Variants in FMR1 observed in about 807,000 individuals in gnomAD.
FMR1 encodes FMRP translational regulator 1.
In FMR1, 13 loss-of-function variants were observed where a neutral mutation model predicts 50.6. The ratio of observed to expected loss-of-function variants is 0.26; its 90% confidence interval spans 0.17 to 0.41. FMR1 has a LOEUF of 0.41. Among genes scored for constraint, FMR1 ranks in the 10% least tolerant of loss-of-function variants. The pLI is 1.00. For synonymous variants in FMR1, 138 were observed against 164.1 expected (o/e 0.84, Z 1.22); for missense variants, 316 against 491.3 (o/e 0.64, Z 3.37).
At chrX:147,924,452 C>A (rs1311875402) in intron 2 of FMR1, among the ~76,000 whole-genome samples, 1 of 101,027 alleles carries the variant, frequency 9.9e-6, no homozygotes, top group African/African-American at 3.7e-5. Context: ...CAAAGTTTGT[C>A]TTTCAGTATT....
intron 2 of FMR1, among the ~76,000 whole-genome samples, chrX:147,923,766 A>G (rs782054175): frequency 8.9e-6 from 1 of 111,937 alleles, no homozygotes; most frequent in South Asian, 3.7e-4. Flanking sequence ...CCTTGTGTTC[A>G]TGGAGTATGT....
At chrX:147,918,591 A>G (rs1402242244) in intron 1 of FMR1, among the ~76,000 whole-genome samples, 3 of 59,034 alleles carry the variant, frequency 5.1e-5, no homozygotes, top group African/African-American at 2.7e-4. Context: ...GAATAGCTAC[A>G]GCACTTGCAG....
At chrX:147,921,265 T>C (rs25725) in intron 1 of FMR1, among the ~76,000 whole-genome samples, 87 of 203 alleles carry the variant, frequency 0.43, no homozygotes, top group African/African-American at 0.54. Context: ...TCTTGATAAT[T>C]AGCTATTTTG....
At chrX:147,938,237 A>G (rs2043858957) in intron 12 of FMR1, 76 bp downstream of exon 12, 1 of 861,804 alleles carries the variant, frequency 1.2e-6, no homozygotes, top group African/African-American at 2.0e-5. Context: ...CAAAGATTAC[A>G]AATGATCCTC....
Position 147,924,536 on chromosome X carries a change from G to A in FMR1, c.105-1004G>A, listed in dbSNP as rs1435002050. On this transcript the variant is annotated intron_variant, in intron 2 of 16. Transcript: ENST00000370475. The stretch of plus-strand genomic sequence containing the variant: ...ATATATTTTTTTTTTTTTAAAGACA[G>A]GATCTCACTCTGTCACCTAGGCTGG... Among the ~76,000 whole-genome samples, 3 of 97,174 alleles carry A rather than the reference G, an allele frequency of 3.1e-5. No homozygotes were observed. The East Asian group carries it at 9.5e-4, about 31-fold the overall frequency. 84.4% of individuals were successfully genotyped at this position (97,174 alleles called of 115,157 possible).
intron 9 of FMR1, among the ~76,000 whole-genome samples, chrX:147,934,322 A>G (rs1180500430): frequency 2.7e-5 from 3 of 110,140 alleles, no homozygotes; most frequent in African/African-American, 3.3e-5. Context: ...TTGGATCTGG[A>G]TTTCAGTCCT....
chrX:147,937,093 A>G lies in FMR1; in HGVS notation c.991-373A>G, dbSNP rs1475150789. 5.4e-5 allele frequency among the ~76,000 whole-genome samples: 6 copies of G among 111,186 alleles called. No homozygotes were observed. In the East Asian group the frequency reaches 1.1e-3, roughly 21 times the overall value. On this transcript the variant is annotated intron_variant, in intron 10 of 16. Transcript: ENST00000370475. ...TTTCTGTGCTTAATATCTCTTCCCC[A>G]TCCTCCTTACCTTTAAATTCTGTAA...
Position 147,949,244 on chromosome X carries a change from A to G in FMR1, c.*400A>G, listed in dbSNP as rs781988521. On this transcript the variant is annotated 3_prime_UTR_variant, in exon 17 of 17. Transcript: ENST00000370475. ...ATTAGACTTCTGTTTTCAATCTCGT[A>G]TAGAAGTCTTCATGAAATGCTATGT... is the stretch of plus-strand genomic sequence containing the variant. The G allele has an allele frequency of 3.0e-6, 1 of 330,617 alleles. No homozygotes were observed. The highest frequency in any genetic ancestry group is 3.2e-5 in the Admixed American group (1 of 31,673). 27.2% of individuals were successfully genotyped at this position (330,617 alleles called of 1,213,427 possible).
intron 9 of FMR1, among the ~76,000 whole-genome samples, chrX:147,934,962 T>G (rs1389555365): frequency 8.9e-6 from 1 of 111,960 alleles, no homozygotes; most frequent in Non-Finnish European, 1.9e-5. Context: ...CTTCACTCAC[T>G]AAGAATGAAT....
chrX:147,938,033 G>A, intron 11 of FMR1, 66 bp from the exon 12 acceptor site: 15 of 881,486 alleles, frequency 1.7e-5, no homozygotes, highest in Non-Finnish European at 2.5e-5. Context: ...AAAGTCCTGC[G>A]TTCAGGCTTC....
At chrX:147,921,766 C>A (rs1557176516) in intron 1 of FMR1, among the ~76,000 whole-genome samples, 167 bp from the exon 2 acceptor site, 1 of 111,494 alleles carries the variant, frequency 9.0e-6, no homozygotes, top group Non-Finnish European at 1.9e-5. Flanking sequence ...TACAAGGTGG[C>A]AATATAGATG....
At chrX:147,946,587 T>C (rs1264777500) in intron 16 of FMR1, among the ~76,000 whole-genome samples, 2 of 112,628 alleles carry the variant, frequency 1.8e-5, no homozygotes, top group South Asian at 3.7e-4. Context: ...TGAGGTAGTT[T>C]TATTATTCCA....
chrX:147,944,782 C>T, intron 14 of FMR1, 87 bp from the exon 15 acceptor site: 2 of 1,146,219 alleles, frequency 1.7e-6, no homozygotes, highest in Non-Finnish European at 2.3e-6. Flanking sequence ...TTGGATTACC[C>T]CTGAAACGTC....
At chrX:147,939,927 G>A (rs1237310860) in intron 12 of FMR1, among the ~76,000 whole-genome samples, 3 of 101,397 alleles carry the variant, frequency 3.0e-5, no homozygotes, top group African/African-American at 1.1e-4. Context: ...AAAAAGAGGC[G>A]GAGGCGGGCG....
At chrX:147,937,145 T>A (rs1557179780) in intron 10 of FMR1, among the ~76,000 whole-genome samples, 1 of 111,533 alleles carries the variant, frequency 9.0e-6, no homozygotes, top group Non-Finnish European at 1.9e-5. Context: ...AATATATGCT[T>A]TTTGTAGCAG....
At chrX:147,938,303 A>T (rs1195673704) in intron 12 of FMR1, 142 bp downstream of exon 12, 2 of 528,991 alleles carry the variant, frequency 3.8e-6, no homozygotes, top group Non-Finnish European at 6.7e-6. Flanking sequence ...ATTGCCCTGG[A>T]GTTAAAGCTT....
chrX:147,924,528 T>TTA (rs1557177167), intron 2 of FMR1, among the ~76,000 whole-genome samples: 1 of 103,743 alleles, frequency 9.6e-6, no homozygotes, highest in Non-Finnish European at 2.0e-5. Flanking sequence ...TTTTTTTTTT[T>TTA]AAAGACAGGA....
At chrX:147,938,232 A>T (rs1441194100) in intron 12 of FMR1, 71 bp downstream of exon 12, 1 of 859,441 alleles carries the variant, frequency 1.2e-6, no homozygotes, top group African/African-American at 2.0e-5. Flanking sequence ...GTTAACAAAG[A>T]TTACAAATGA....
At chrX:147,936,735 C>A in intron 10 of FMR1, 122 bp downstream of exon 10, 1 of 502,040 alleles carries the variant, frequency 2.0e-6, no homozygotes, top group Non-Finnish European at 3.6e-6. Flanking sequence ...ATCAAGCATG[C>A]CTGCTGTAAT....
Sources: gnomAD v4.1 joint callset for allele counts (sites outside exome capture counted in the v4.1 genomes callset) on GRCh38, gnomAD v4.1.1 for gene constraint, MANE v1.5 for transcripts, NCBI Gene and HGNC (gene_info 2026-07-23, HGNC 2026-07-21) for gene names.